Variants in RANBP2 observed in about 807,000 individuals in gnomAD.
The protein encoded by RANBP2 is RAN binding protein 2, also known as E3 SUMO-protein ligase RanBP2.
In RANBP2, 57 loss-of-function variants were observed where a neutral mutation model predicts 303.6. The ratio of observed to expected loss-of-function variants is 0.19; its 90% CI spans 0.15 to 0.23. The LOEUF is 0.23. RANBP2 is among the 10% of genes least tolerant of loss of function. The pLI is 1.00. For synonymous variants in RANBP2, 1,167 were observed against 1,301.5 expected (o/e 0.90, Z 2.23); for missense variants, 3,138 against 3,780.8 (o/e 0.83, Z 4.46).
the RANBP2 span, among the ~76,000 whole-genome samples, chr2:109,021,879 G>A: frequency 6.6e-6 from 1 of 152,118 alleles, no homozygotes; most frequent in African/African-American, 2.4e-5. Context: ...AATCTGTGAG[G>A]CACGATTTTT....
At chr2:109,303,119 G>A in the RANBP2 span, among the ~76,000 whole-genome samples, 5 of 152,104 alleles carry the variant, frequency 3.3e-5, no homozygotes, top group Non-Finnish European at 5.9e-5. Flanking sequence ...CAGGTGATCC[G>A]TCCGCCTCAG....
the RANBP2 span, among the ~76,000 whole-genome samples, chr2:109,538,776 C>T: frequency 3.9e-5 from 6 of 152,182 alleles, no homozygotes; most frequent in Non-Finnish European, 8.8e-5. Context: ...CCCTCAGATT[C>T]CCAAAGTGCT....
chr2:109,277,714 G>T, the RANBP2 span, among the ~76,000 whole-genome samples: 5 of 152,330 alleles, frequency 3.3e-5, no homozygotes, highest in African/African-American at 9.6e-5. Flanking sequence ...GGTGTATTGT[G>T]ACAACAAGAT....
At chr2:109,343,029 C>T in the RANBP2 span, among the ~76,000 whole-genome samples, 2 of 152,116 alleles carry the variant, frequency 1.3e-5, no homozygotes, top group African/African-American at 2.4e-5. Context: ...AAGGGGAGCA[C>T]GCCGCAGTGT....
chr2:108,793,193 T>TA, the RANBP2 span, among the ~76,000 whole-genome samples: 213 of 146,128 alleles, frequency 1.5e-3, no homozygotes, highest in African/African-American at 4.0e-3. Flanking sequence ...CTGTCTCTAC[T>TA]AAAAAAAAAA....
the RANBP2 span, among the ~76,000 whole-genome samples, chr2:108,838,199 A>G: frequency 2.6e-5 from 4 of 152,182 alleles, no homozygotes; most frequent in South Asian, 2.1e-4. Flanking sequence ...TAATTTGTCT[A>G]TCAGAGGCAT....
At chr2:109,187,161 C>T in the RANBP2 span, among the ~76,000 whole-genome samples, 3 of 152,226 alleles carry the variant, frequency 2.0e-5, no homozygotes, top group South Asian at 6.2e-4. Context: ...CGGTGCTGAC[C>T]ACTTCGTCGT....
the RANBP2 span, among the ~76,000 whole-genome samples, chr2:108,853,907 TTATATAG>T: frequency 8.3e-6 from 1 of 121,100 alleles, no homozygotes; most frequent in Admixed American, 1.1e-4. Flanking sequence ...ATATTATATA[TTATATAG>T]TATATATATT....
chr2:109,726,058 G>GGGGT, the RANBP2 span, among the ~76,000 whole-genome samples: 18,988 of 137,090 alleles, frequency 0.14, 1,625 homozygotes, highest in East Asian at 0.25. Flanking sequence ...TTTTGCTTTT[G>GGGGT]GTGTGTGTGT....
the RANBP2 span, among the ~76,000 whole-genome samples, chr2:109,767,235 G>A: frequency 6.8e-6 from 1 of 147,030 alleles, no homozygotes; most frequent in Non-Finnish European, 1.5e-5. Context: ...GCCGCATAAG[G>A]TCAGATTCAG....
chr2:109,560,979 TG>T, the RANBP2 span, among the ~76,000 whole-genome samples: 1 of 152,206 alleles, frequency 6.6e-6, no homozygotes, highest in Non-Finnish European at 1.5e-5. Flanking sequence ...TAAGCATCTC[TG>T]AACACCCCTT....
At chr2:108,774,280 T>G (rs1033975245) in intron 23 of RANBP2, among the ~76,000 whole-genome samples, 2 of 152,248 alleles carry the variant, frequency 1.3e-5, no homozygotes, top group African/African-American at 4.8e-5. Context: ...AGTTTTCTGA[T>G]ACTGTCTTTG....
the RANBP2 span, among the ~76,000 whole-genome samples, chr2:108,940,936 CT>C: frequency 6.6e-6 from 1 of 152,156 alleles, no homozygotes; most frequent in East Asian, 1.9e-4. Context: ...AGGTGGGAGA[CT>C]TTGATAACGT....
chr2:108,921,368 C>T, the RANBP2 span, among the ~76,000 whole-genome samples: 22 of 152,198 alleles, frequency 1.4e-4, no homozygotes, highest in Non-Finnish European at 2.9e-4. Context: ...GCAAGTCTGA[C>T]GGTGGTTTGC....
the RANBP2 span, among the ~76,000 whole-genome samples, chr2:109,512,485 G>A: frequency 3.3e-5 from 5 of 152,054 alleles, no homozygotes; most frequent in Non-Finnish European, 7.4e-5. Context: ...TCTGTACCGC[G>A]CTGGGCACCC....
chr2:109,072,758 A>T, the RANBP2 span, among the ~76,000 whole-genome samples: 9 of 152,248 alleles, frequency 5.9e-5, no homozygotes, highest in Non-Finnish European at 1.0e-4. Context: ...GTGAGGAGAG[A>T]TGAAATGGAC....
chr2:108,733,571 T>C (rs971405053), intron 4 of RANBP2, among the ~76,000 whole-genome samples: 3 of 152,158 alleles, frequency 2.0e-5, no homozygotes, highest in Non-Finnish European at 2.9e-5. Flanking sequence ...TACTGATAAG[T>C]TTTTCTCCCC....
the RANBP2 span, among the ~76,000 whole-genome samples, chr2:109,065,873 G>A: frequency 6.6e-6 from 1 of 152,156 alleles, no homozygotes; most frequent in Non-Finnish European, 1.5e-5. Context: ...GTGAGGTGAT[G>A]TAGGCCCTTT....
chr2:108,806,806 A>G, the RANBP2 span, among the ~76,000 whole-genome samples: 763 of 152,332 alleles, frequency 5.0e-3, 4 homozygotes, highest in South Asian at 0.021. Flanking sequence ...TACATTTTCT[A>G]ATAATTTAAA....
Sources: gnomAD v4.1 joint callset for allele counts (sites outside exome capture counted in the v4.1 genomes callset) on GRCh38, gnomAD v4.1.1 for gene constraint, MANE v1.5 for transcripts, NCBI Gene and HGNC (gene_info 2026-07-23, HGNC 2026-07-21) for gene names.